The following ADAMTS17 variants were observed in gnomAD, a reference collection of about 807,000 sequenced individuals.
The protein encoded by ADAMTS17 is A disintegrin and metalloproteinase with thrombospondin motifs 17.
A neutral mutation model predicts 141.5 loss-of-function variants in ADAMTS17; 113 were observed. The ratio of observed to expected loss-of-function variants is 0.80; its 90% CI spans 0.69 to 0.93. The LOEUF is 0.93. Ranked by LOEUF, ADAMTS17 falls within the 40% of genes least tolerant of loss-of-function variation. The probability of loss-of-function intolerance (pLI) is 0.00; values close to 1 mark genes in which losing one functional copy is unlikely to be tolerated. For missense variants in ADAMTS17, 1,659 were observed against 1,517.9 expected (o/e 1.09, Z -1.54); for synonymous variants, 768 against 630.6 (o/e 1.22, Z -3.27).
chr15:100,055,633 C>T (rs2141611023), intron 15 of ADAMTS17, among the ~76,000 whole-genome samples: 1 of 152,258 alleles, frequency 6.6e-6, no homozygotes, highest in African/African-American at 2.4e-5. Flanking sequence ...AAAGCCCTGC[C>T]ACTTGGAGCC....
chr15:100,057,641 T>C (rs1037447313), intron 15 of ADAMTS17, among the ~76,000 whole-genome samples: 12 of 152,106 alleles, frequency 7.9e-5, no homozygotes, highest in Admixed American at 7.2e-4. Context: ...TGGGAACATG[T>C]TTTCCCTCCC....
intron 8 of ADAMTS17, 120 bp downstream of exon 8, chr15:100,199,198 T>C (rs2041228992): frequency 3.2e-6 from 3 of 946,720 alleles, no homozygotes; most frequent in Non-Finnish European, 5.1e-6. Context: ...CTGGGTCCTT[T>C]ATTGCAGATG....
chr15:100,271,825 T>G (rs1162639649), intron 4 of ADAMTS17, among the ~76,000 whole-genome samples: 2 of 152,188 alleles, frequency 1.3e-5, no homozygotes. Flanking sequence ...CTCACAAAAC[T>G]TTTCCGTTTT....
At chr15:100,177,060 A>G (rs2040364433) in intron 8 of ADAMTS17, among the ~76,000 whole-genome samples, 1 of 152,222 alleles carries the variant, frequency 6.6e-6, no homozygotes, top group South Asian at 2.1e-4. Flanking sequence ...TAAGAAGAAT[A>G]GAGTTGTTAT....
At chr15:99,987,021 G>A (rs951150249) in intron 20 of ADAMTS17, among the ~76,000 whole-genome samples, 2 of 152,210 alleles carry the variant, frequency 1.3e-5, no homozygotes, top group African/African-American at 2.4e-5. Context: ...GAGGGCTAGG[G>A]GCAGGGAGAG....
chr15:100,236,094 C>T (rs1348910438), intron 7 of ADAMTS17, among the ~76,000 whole-genome samples: 1 of 152,122 alleles, frequency 6.6e-6, no homozygotes, highest in African/African-American at 2.4e-5. Flanking sequence ...ATTACCATCT[C>T]TAATTTGGGT....
At chr15:100,295,606 C>G (rs963168486) in intron 3 of ADAMTS17, among the ~76,000 whole-genome samples, 4 of 152,216 alleles carry the variant, frequency 2.6e-5, no homozygotes, top group Non-Finnish European at 4.4e-5. Flanking sequence ...CAGCCCCCTC[C>G]TTCACGCTCT....
intron 18 of ADAMTS17, among the ~76,000 whole-genome samples, chr15:100,031,234 T>G (rs1326301962): frequency 1.3e-5 from 2 of 152,204 alleles, no homozygotes; most frequent in Non-Finnish European, 2.9e-5. Context: ...ATTTCATTCT[T>G]TTTCTGGCTA....
At chr15:99,991,248 G>GA (rs928750221) in intron 20 of ADAMTS17, among the ~76,000 whole-genome samples, 21 of 152,042 alleles carry the variant, frequency 1.4e-4, no homozygotes, top group Admixed American at 9.8e-4. Flanking sequence ...TACAGAATGG[G>GA]AAAAAATTTT....
intron 18 of ADAMTS17, among the ~76,000 whole-genome samples, chr15:100,023,421 T>C (rs1272803417): frequency 1.3e-5 from 2 of 152,002 alleles, no homozygotes; most frequent in Non-Finnish European, 2.9e-5. Context: ...GTCAGGCTGG[T>C]CTCGAACCTC....
At chr15:100,081,477 C>T (rs893686076) in intron 15 of ADAMTS17, among the ~76,000 whole-genome samples, 5 of 152,160 alleles carry the variant, frequency 3.3e-5, no homozygotes, top group African/African-American at 7.2e-5. Context: ...CTCATTCAAT[C>T]GCACACTTTA....
intron 8 of ADAMTS17, among the ~76,000 whole-genome samples, chr15:100,187,729 G>C (rs1051583319): frequency 6.6e-6 from 1 of 152,180 alleles, no homozygotes; most frequent in Non-Finnish European, 1.5e-5. Context: ...GGCAGCCACG[G>C]GACCAGCTCT....
intron 3 of ADAMTS17, among the ~76,000 whole-genome samples, chr15:100,302,252 T>G (rs2045066021): frequency 6.6e-6 from 1 of 152,236 alleles, no homozygotes; most frequent in Non-Finnish European, 1.5e-5. Context: ...GCTTCATTCC[T>G]TTTTATTGCC....
At chr15:100,129,199 T>A (rs1266880061) in intron 12 of ADAMTS17, 1 of 152,160 alleles carries the variant, frequency 6.6e-6, no homozygotes, top group African/African-American at 2.4e-5. Context: ...AGACCAGTCT[T>A]CCACTAGGAC....
chr15:100,199,365 G>T lies in ADAMTS17; in HGVS notation c.1134C>A (p.Asp378Glu). 1.2e-6 allele frequency: 2 copies of T among 1,614,198 alleles called. No individual in the cohort carries two copies. The highest frequency in any genetic ancestry group is 1.3e-5 in the African/African-American group (1 of 75,034). ...SAKRKCVLAE[D>E]NGLNLAFTIA... Reference sequence around the variant, plus strand: ...TGGTAAAGGCCAAATTGAGACCATTGTCTTCGGCAAGCACACACTTCCTCT... The same window carrying T: ...TGGTAAAGGCCAAATTGAGACCATTTTCTTCGGCAAGCACACACTTCCTCT... Residue 378 changes from aspartate to glutamate, a missense_variant, in exon 8 of 22, where the codon GAC (aspartate) becomes GAA (glutamate). Asp to Glu is a conservative substitution (Grantham distance 45, BLOSUM62 2). Transcript: ENST00000268070.
At chr15:100,188,473 T>C (rs183252850) in intron 8 of ADAMTS17, among the ~76,000 whole-genome samples, 1 of 152,152 alleles carries the variant, frequency 6.6e-6, no homozygotes, top group East Asian at 1.9e-4. Context: ...TCTTCTTCAG[T>C]GTTTCTGACA....
chr15:100,043,063 T>C (rs535076835), intron 18 of ADAMTS17, among the ~76,000 whole-genome samples: 1 of 152,342 alleles, frequency 6.6e-6, no homozygotes, highest in East Asian at 1.9e-4. Context: ...TATCAGATCA[T>C]ACATTTCTTT....
At chr15:99,983,047 C>A (rs905970388) in intron 20 of ADAMTS17, among the ~76,000 whole-genome samples, 1 of 152,256 alleles carries the variant, frequency 6.6e-6, no homozygotes, top group African/African-American at 2.4e-5. Flanking sequence ...AGAGATTTTC[C>A]TTTAGGTAGA....
intron 21 of ADAMTS17, 104 bp downstream of exon 21, chr15:99,975,941 C>T: frequency 7.6e-7 from 1 of 1,311,048 alleles, no homozygotes; most frequent in Non-Finnish European, 1.0e-6. Flanking sequence ...CAAGTGAGGC[C>T]CAAGAAGGGG....
Sources: gnomAD v4.1 joint callset for allele counts (sites outside exome capture counted in the v4.1 genomes callset) on GRCh38, gnomAD v4.1.1 for gene constraint, MANE v1.5 for transcripts, NCBI Gene and HGNC (gene_info 2026-07-23, HGNC 2026-07-21) for gene names.